Variants in ASB14 observed in about 807,000 individuals in gnomAD.
The protein encoded by ASB14 is ankyrin repeat and SOCS box protein 14.
Under a neutral mutation model 55.6 loss-of-function variants are expected in ASB14, and 63 were observed. That is an observed-to-expected ratio of 1.13 (90% CI 0.92 to 1.40). The LOEUF is 1.40. ASB14 is among the 40% of genes most tolerant of loss of function. ASB14 has a pLI of 0.00. For missense variants in ASB14, 724 were observed against 710.4 expected (o/e 1.02, Z -0.22); for synonymous variants, 256 against 259.9 (o/e 0.98, Z 0.15).
chr3:57,286,823 T>A (rs966424985), intron 5 of ASB14, among the ~76,000 whole-genome samples: 1 of 152,234 alleles, frequency 6.6e-6, no homozygotes, highest in Non-Finnish European at 1.5e-5. Context: ...ACCACCTCCA[T>A]CTTGTCTGTT....
chr3:57,287,379 C>T (rs1337877882), intron 5 of ASB14, among the ~76,000 whole-genome samples: 1 of 152,068 alleles, frequency 6.6e-6, no homozygotes, highest in Non-Finnish European at 1.5e-5. Flanking sequence ...TGCCAGCCTT[C>T]TAGGAGGAGG....
chr3:57,277,025 G>C (rs1435713871), intron 9 of ASB14, among the ~76,000 whole-genome samples: 1 of 152,100 alleles, frequency 6.6e-6, no homozygotes, highest in Non-Finnish European at 1.5e-5. Context: ...CAGCACTCTG[G>C]GAGGCCGAGG....
rs756017164 is a variant in ASB14 at position 57,269,603 on chromosome 3, G to A, written c.*38C>T. 6 of 1,614,124 alleles carry A rather than the reference G, an allele frequency of 3.7e-6. No homozygotes were observed. The South Asian group carries it at 6.6e-5, about 18-fold the overall frequency. On this transcript the variant is annotated 3_prime_UTR_variant, in exon 11 of 11. Transcript: ENST00000487349. ...GTAGACCAAACCAAGCCAGTAGTGA[G>A]GGGCAGTTTGTTGTCCTTAGCAGTA...
chr3:57,279,320 G>A (rs1209657353), intron 7 of ASB14, among the ~76,000 whole-genome samples: 2 of 120,938 alleles, frequency 1.7e-5, no homozygotes, highest in African/African-American at 3.3e-5. Flanking sequence ...TGTTGCCCAA[G>A]CTGGAGTGCA....
At chr3:57,284,122 G>GTGTGTGTGTGTGTGTGTGTGTGTGTA (rs945228754) in intron 5 of ASB14, among the ~76,000 whole-genome samples, 1 of 150,706 alleles carries the variant, frequency 6.6e-6, no homozygotes. Flanking sequence ...GTGTGTGTGT[G>GTGTGTGTGTGTGTGTGTGTGTGTGTA]TGTATGTATG....
chr3:57,273,425 A>G (rs2107617942), intron 10 of ASB14: 1 of 152,736 alleles, frequency 6.5e-6, no homozygotes, highest in East Asian at 1.9e-4. Flanking sequence ...AAGATTTTTT[A>G]ATGTATAATA....
chr3:57,292,123 G>T lies in ASB14; in HGVS notation c.-71-19C>A. 8.2e-7 allele frequency: 1 copy of T among 1,223,242 alleles called. No homozygotes were observed. The highest frequency in any genetic ancestry group is 3.0e-5 in the East Asian group (1 of 33,812). The allele number at this position is 1,223,242 out of a possible 1,614,324, so 75.8% of individuals were successfully genotyped here. A position where few individuals can be genotyped will look rare whatever the true frequency, so the allele number is the denominator to read the frequency against. ...AGATCAACTGCTTAAAATTACAAAT[G>T]AAATTCAGAAATCTAGAAAATTGGT... On this transcript the variant is annotated intron_variant, in intron 1 of 10. Transcript: ENST00000487349.
In ASB14 at chr3:57,287,991, T is replaced by A. The variant is rs2061093806; in HGVS notation, c.379A>T (p.Ser127Cys). Residue 127 changes from serine to cysteine, a missense_variant, in exon 5 of 11, where the codon AGT becomes TGT. By Grantham distance (112) the Ser-to-Cys change is moderately radical. Coordinates refer to ENST00000487349, the MANE Select transcript of ASB14 (RefSeq NM_001142733.3). ...AAAGTGGCATTTTCTAAGAGGCAACTGCTGACAGCCAAAAAAAGTGGCGTT... is the reference window on the plus strand; with the variant it reads ...AAAGTGGCATTTTCTAAGAGGCAACAGCTGACAGCCAAAAAAAGTGGCGTT... Reference protein sequence around the residue: ...GETPLFLAVSSCLLENATFLL... With the variant: ...GETPLFLAVSCCLLENATFLL... 2 of 1,537,364 alleles carry A rather than the reference T, an allele frequency of 1.3e-6. No homozygotes were observed. The highest frequency in any genetic ancestry group is 1.7e-6 in the Non-Finnish European group (2 of 1,146,922).
chr3:57,280,959 G>T lies in ASB14; in HGVS notation c.716-486C>A, dbSNP rs192848026. ...GACACTGTAACTGTTTTTAATTGAG[G>T]TTAGGAACTGCCAATAGCCAAAGAG... is the stretch of plus-strand genomic sequence containing the variant. On this transcript the variant is annotated intron_variant, in intron 6 of 10. Transcript: ENST00000487349. Among the ~76,000 whole-genome samples the T allele has an allele frequency of 1.2e-4, 18 of 152,254 alleles. No individual in the cohort carries two copies. In the East Asian group the frequency reaches 3.5e-3, roughly 29 times the overall value.
At chr3:57,290,320 T>A (rs543453006) in intron 2 of ASB14, among the ~76,000 whole-genome samples, 27 of 152,248 alleles carry the variant, frequency 1.8e-4, no homozygotes, top group African/African-American at 6.0e-4. Flanking sequence ...ACTCTCTGCC[T>A]CCATCTTCAA....
chr3:57,288,247 G>C lies in ASB14; in HGVS notation c.218C>G (p.Ser73Cys), dbSNP rs73833873. Residue 73 changes from serine to cysteine, a missense_variant, in exon 4 of 11, where the codon TCC (serine) becomes TGC (cysteine). Transcript: ENST00000487349. Reference sequence around the variant, plus strand: ...TATCTCATCTGCTTCACCAAATGCGGAATGGTACTTGGTTAAGTGTGACAA... The same window carrying C: ...TATCTCATCTGCTTCACCAAATGCGCAATGGTACTTGGTTAAGTGTGACAA... Reference protein sequence around the residue: ...DALSHLTKYHSAFGEADEIGW... With the variant: ...DALSHLTKYHCAFGEADEIGW... The C allele has an allele frequency of 9.6e-5, 147 of 1,536,602 alleles. No homozygotes were observed. The African/African-American group carries it at 1.9e-3, about 20-fold the overall frequency.
Position 57,269,449 on chromosome 3 carries a change from A to C in ASB14, c.*192T>G. 7.2e-6 allele frequency: 8 copies of C among 1,110,350 alleles called. No homozygotes were observed. The South Asian group carries it at 1.3e-4, about 18-fold the overall frequency. 68.8% of individuals were successfully genotyped at this position (1,110,350 alleles called of 1,614,324 possible). ...AAGTATGCATACATATTTATGACAG[A>C]AGAAGTGGCTCTCAAGAATGTATCT... On this transcript the variant is annotated 3_prime_UTR_variant, in exon 11 of 11. Transcript: ENST00000487349.
rs150493517 is a variant in ASB14, at chr3:57,278,283, C to A, written c.1431+94G>T. The stretch of plus-strand genomic sequence containing the variant: ...TTATACTAGGATCTCTTCAACCAAG[C>A]CTCTGGAGAGAGTGGATGTAATCTA... On this transcript the variant is annotated intron_variant, in intron 8 of 10. Coordinates refer to ENST00000487349, the MANE Select transcript of ASB14 (RefSeq NM_001142733.3). 1.1e-4 allele frequency: 107 copies of A among 953,786 alleles called. No homozygotes were observed. In the Admixed American group the frequency reaches 1.2e-3, roughly 10 times the overall value. 59.1% of individuals were successfully genotyped at this position (953,786 alleles called of 1,614,324 possible). A position where few individuals can be genotyped will look rare whatever the true frequency, so the allele number is the denominator to read the frequency against.
intron 10 of ASB14, chr3:57,272,487 G>GAGTT (rs1035025147): frequency 6.6e-6 from 1 of 152,140 alleles, no homozygotes; most frequent in East Asian, 1.9e-4. Context: ...AAAGGCATTT[G>GAGTT]AGTTAATTTT....
intron 10 of ASB14, 105 bp downstream of exon 10, chr3:57,276,423 T>G: frequency 1.2e-6 from 1 of 823,600 alleles, no homozygotes; most frequent in Non-Finnish European, 1.8e-6. Context: ...GCAGAGCTAC[T>G]TTTTAAAGGA....
chr3:57,271,351 C>T (rs946508646), intron 10 of ASB14: 2 of 152,442 alleles, frequency 1.3e-5, no homozygotes, highest in Non-Finnish European at 2.9e-5. Context: ...CCAAAACATA[C>T]AGTAAAAAAG....
chr3:57,289,981 G>GC (rs1259181313), intron 2 of ASB14, among the ~76,000 whole-genome samples: 2 of 152,112 alleles, frequency 1.3e-5, no homozygotes, highest in Non-Finnish European at 2.9e-5. Flanking sequence ...AACCCAGGTT[G>GC]AGGAGAATAA....
intron 10 of ASB14, chr3:57,270,941 T>A (rs1456935851): frequency 6.6e-6 from 1 of 152,150 alleles, no homozygotes; most frequent in Admixed American, 6.6e-5. Context: ...TTGTTTATGT[T>A]AAACCTTAAT....
chr3:57,277,877 C>G lies in ASB14; in HGVS notation c.1475G>C (p.Gly492Ala). The G allele has an allele frequency of 6.2e-7, 1 of 1,613,818 alleles. No individual in the cohort carries two copies. Residue 492 changes from glycine to alanine, a missense_variant, in exon 9 of 11, where the codon GGA becomes GCA. Coordinates refer to ENST00000487349, the MANE Select transcript of ASB14 (RefSeq NM_001142733.3). ...ATCAAGCATCACTCGAACAACCTTT[C>G]CAGAGAGATGTTGCAGCCATGACAA... ...ITLSWLQHLS[G>A]KVVRVMLDYV...
Sources: allele counts gnomAD v4.1 joint callset (sites outside exome capture counted in the v4.1 genomes callset), GRCh38; gene constraint gnomAD v4.1.1; transcripts MANE v1.5; gene names NCBI Gene and HGNC (gene_info 2026-07-23, HGNC 2026-07-21).